LCA5: variants seen among roughly 807,000 people sequenced by gnomAD.
LCA5 encodes the protein lebercilin LCA5, also known as lebercilin.
Under a neutral mutation model 53.0 loss-of-function variants are expected in LCA5, and 37 were observed. The observed-to-expected ratio is 0.70, with a 90% CI of 0.54 to 0.92. LCA5 has a LOEUF of 0.92. Ranked by LOEUF, LCA5 falls within the 40% of genes least tolerant of loss-of-function variation. LCA5 has a pLI of 0.00. For missense variants in LCA5, 806 were observed against 790.5 expected (o/e 1.02, Z -0.23); for synonymous variants, 303 against 282.9 (o/e 1.07, Z -0.71).
At chr6:79,525,020 A>G (rs1035999774) in intron 1 of LCA5, 1 of 152,086 alleles carries the variant, frequency 6.6e-6, no homozygotes, top group Non-Finnish European at 1.5e-5. Context: ...AATTATGCCA[A>G]TATCTTCATT....
At chr6:79,534,373 CAA>C (rs1296379576) in intron 1 of LCA5, among the ~76,000 whole-genome samples, 1 of 151,896 alleles carries the variant, frequency 6.6e-6, no homozygotes, top group Non-Finnish European at 1.5e-5. Flanking sequence ...TACATATTCC[CAA>C]AGTTTAGTCA....
chr6:79,510,068 T>C lies in LCA5; in HGVS notation c.720+3144A>G, dbSNP rs371689605. On this transcript the variant is annotated intron_variant, in intron 3 of 7. Coordinates refer to ENST00000369846, the MANE Select transcript of LCA5 (RefSeq NM_001122769.3). ...TAGTTAAAATGTTTAAAATGAGATA[T>C]AACATGAGAGGAATCAGTCTCTCTA... 5.9e-5 allele frequency among the ~76,000 whole-genome samples: 9 copies of C among 152,292 alleles called. No homozygotes were observed. The South Asian group carries it at 1.5e-3, about 25-fold the overall frequency.
rs375203094 is a variant in LCA5 at position 79,487,119 on chromosome 6, C to G, written c.1979G>C (p.Ser660Thr). The change falls in exon 8 of 8, where the codon AGT becomes ACT. Residue 660 changes from serine to threonine, a missense_variant. Coordinates refer to ENST00000369846, the MANE Select transcript of LCA5 (RefSeq NM_001122769.3). ...ATTTGGATTAAAACTTCTTCCTTCA[C>G]TGAGGAAAAAGCCTTCATCTTCATC... ...EHDEDEGFFL[S>T]EGRSFNPNRH... The G allele has an allele frequency of 6.2e-7, 1 of 1,613,916 alleles. No homozygotes were observed. The highest frequency in any genetic ancestry group is 8.5e-7 in the Non-Finnish European group (1 of 1,179,894).
chr6:79,530,217 C>T (rs189420745), intron 1 of LCA5, among the ~76,000 whole-genome samples: 3 of 152,146 alleles, frequency 2.0e-5, no homozygotes, highest in Non-Finnish European at 2.9e-5. Context: ...TTTGTGCTAA[C>T]TCAAGTTTAA....
At chr6:79,525,928 G>T (rs1376274584) in intron 1 of LCA5, among the ~76,000 whole-genome samples, 3 of 152,180 alleles carry the variant, frequency 2.0e-5, no homozygotes, top group Non-Finnish European at 1.5e-5. Flanking sequence ...TTACACAAAG[G>T]GAGTCACTGG....
intron 1 of LCA5, among the ~76,000 whole-genome samples, chr6:79,528,104 C>T (rs182400112): frequency 8.2e-4 from 125 of 152,272 alleles, no homozygotes; most frequent in African/African-American, 2.8e-3. Flanking sequence ...GGTTCCATTT[C>T]CTCTAGGATA....
At chr6:79,515,203 A>C (rs1382675651) in intron 2 of LCA5, among the ~76,000 whole-genome samples, 1 of 152,024 alleles carries the variant, frequency 6.6e-6, no homozygotes, top group Non-Finnish European at 1.5e-5. Context: ...CCATAGAAAG[A>C]AGACAATATT....
chr6:79,508,690 T>G (rs764009714), intron 3 of LCA5, among the ~76,000 whole-genome samples: 1 of 152,036 alleles, frequency 6.6e-6, no homozygotes, highest in Non-Finnish European at 1.5e-5. Context: ...CAGAACTTAA[T>G]GATAACGAAG....
chr6:79,521,770 TA>T (rs1766632734), intron 1 of LCA5, among the ~76,000 whole-genome samples: 1 of 152,132 alleles, frequency 6.6e-6, no homozygotes, highest in Admixed American at 6.5e-5. Context: ...TGAAAGAACC[TA>T]AAGTTCCTTG....
chr6:79,488,891 A>AT, intron 7 of LCA5, 193 bp downstream of exon 7: 1 of 642,246 alleles, frequency 1.6e-6, no homozygotes, highest in Middle Eastern at 3.2e-4. Flanking sequence ...AGAGTGTTCA[A>AT]TTTTTTTCTT....
chr6:79,487,327 C>A lies in LCA5; in HGVS notation c.1771G>T (p.Gly591Cys), dbSNP rs748925713. The A allele has an allele frequency of 3.7e-6, 6 of 1,613,904 alleles. No homozygotes were observed. Among genetic ancestry groups the A allele is most frequent in the Non-Finnish European group, 5.1e-6 (6 of 1,179,840 alleles). The part of the protein sequence containing the change: ...RNSMEKLSKD[G>C]VDLITRKEKK... ...TCTTTTCTTGTAATTAAATCTACAC[C>A]ATCTTTACTAAGTTTTTCCATACTG... is the stretch of plus-strand genomic sequence containing the variant. Residue 591 changes from glycine to cysteine, a missense_variant, in exon 8 of 8, where the codon GGT becomes TGT. Gly to Cys is a radical substitution (Grantham distance 159). Coordinates refer to ENST00000369846, the MANE Select transcript of LCA5 (RefSeq NM_001122769.3).
In LCA5 at chr6:79,498,733, ACT is replaced by A. The variant is rs1367242628; in HGVS notation, c.721-4985_721-4984del. ...AGAATTTTTTTTAAAAATTAAAAAC[ACT>A]GTTAAAAATTAAAAGATTAAGTAGA... On this transcript the variant is annotated intron_variant, in intron 3 of 7. Transcript: ENST00000369846. Among the ~76,000 whole-genome samples the A allele has an allele frequency of 5.3e-5, 8 of 152,058 alleles. No individual in the cohort carries two copies. The East Asian group carries it at 1.5e-3, about 29-fold the overall frequency.
chr6:79,501,458 C>A (rs1182369769), intron 3 of LCA5, among the ~76,000 whole-genome samples: 1 of 151,970 alleles, frequency 6.6e-6, no homozygotes, highest in East Asian at 1.9e-4. Context: ...CTCGAAAGCA[C>A]CCACCTAGAA....
At chr6:79,523,001 G>A (rs1766671019) in intron 1 of LCA5, among the ~76,000 whole-genome samples, 1 of 151,728 alleles carries the variant, frequency 6.6e-6, no homozygotes, top group African/African-American at 2.4e-5. Context: ...TAACCCAAAG[G>A]AAAATGGGTA....
chr6:79,502,081 T>C (rs1417491545), intron 3 of LCA5, among the ~76,000 whole-genome samples: 2 of 152,126 alleles, frequency 1.3e-5, no homozygotes, highest in African/African-American at 4.8e-5. Context: ...AGCTCACTGA[T>C]TGATAATTTC....
At chr6:79,531,110 T>C (rs765695058) in intron 1 of LCA5, among the ~76,000 whole-genome samples, 1 of 152,142 alleles carries the variant, frequency 6.6e-6, no homozygotes, top group Non-Finnish European at 1.5e-5. Flanking sequence ...TTAGTAAAAC[T>C]TGAAACAGAC....
At chr6:79,503,423 A>G (rs1474034535) in intron 3 of LCA5, among the ~76,000 whole-genome samples, 3 of 152,194 alleles carry the variant, frequency 2.0e-5, no homozygotes, top group Non-Finnish European at 4.4e-5. Flanking sequence ...TGAAAAACCA[A>G]TAGACCAAAT....
intron 3 of LCA5, among the ~76,000 whole-genome samples, chr6:79,510,839 G>A (rs906652676): frequency 6.6e-6 from 1 of 152,034 alleles, no homozygotes; most frequent in Non-Finnish European, 1.5e-5. Context: ...TAGCCATTAG[G>A]GAAAGGCAAA....
chr6:79,504,723 AG>A lies in LCA5; in HGVS notation c.720+8488del, dbSNP rs1472863839. ...ACTTAAATTTAACAGTAATAAGGAA[AG>A]GGTTCATCATATTATGATATATCTA... On this transcript the variant is annotated intron_variant, in intron 3 of 7. Transcript: ENST00000369846. Among the ~76,000 whole-genome samples, 4 of 152,208 alleles carry A rather than the reference AG, an allele frequency of 2.6e-5. No individual in the cohort carries two copies. In the East Asian group the frequency reaches 7.7e-4, roughly 29 times the overall value.
Sources: allele counts gnomAD v4.1 joint callset (sites outside exome capture counted in the v4.1 genomes callset), GRCh38; gene constraint gnomAD v4.1.1; transcripts MANE v1.5; gene names NCBI Gene and HGNC (gene_info 2026-07-23, HGNC 2026-07-21).